KIF26B: variants seen among roughly 807,000 people sequenced by gnomAD.
KIF26B encodes kinesin family member 26B.
Under a neutral mutation model 151.2 loss-of-function variants are expected in KIF26B, and 63 were observed. The ratio of observed to expected loss-of-function variants is 0.42; its 90% CI spans 0.34 to 0.51. The LOEUF is 0.51. Ranked by LOEUF, KIF26B falls within the 20% of genes least tolerant of loss-of-function variation. KIF26B has a pLI of 0.07. For synonymous variants in KIF26B, 1,357 were observed against 1,262.1 expected (o/e 1.08, Z -1.59); for missense variants, 2,813 against 2,913.6 (o/e 0.97, Z 0.79).
chr1:245,196,094 G>A (rs1323422769), intron 2 of KIF26B, among the ~76,000 whole-genome samples: 1 of 152,130 alleles, frequency 6.6e-6, no homozygotes, highest in Non-Finnish European at 1.5e-5. Flanking sequence ...TGGTTTTAGA[G>A]CCTTATATAT....
rs113923761 is a variant in KIF26B at position 245,457,670 on chromosome 1, A to G, written c.1166+37925A>G. On this transcript the variant is annotated intron_variant, in intron 4 of 14. Transcript: ENST00000407071. ...GTGTGTGCTTTCATGCTTTGATGACATAAGTGTACAAATGGTATCATACTT... is the reference window on the plus strand; with the variant it reads ...GTGTGTGCTTTCATGCTTTGATGACGTAAGTGTACAAATGGTATCATACTT... Among the ~76,000 whole-genome samples, 160 of 152,326 alleles carry G rather than the reference A, an allele frequency of 1.1e-3. 1 individual carries two copies. The highest frequency in any genetic ancestry group is 3.8e-3 in the African/African-American group (156 of 41,568).
chr1:245,163,500 C>G (rs776764646), intron 2 of KIF26B, among the ~76,000 whole-genome samples: 9 of 152,156 alleles, frequency 5.9e-5, no homozygotes, highest in Non-Finnish European at 1.3e-4. Context: ...AGGGCTAGCT[C>G]TCTCTCCCTC....
At chr1:245,231,280 T>C (rs1669991727) in intron 2 of KIF26B, among the ~76,000 whole-genome samples, 1 of 152,144 alleles carries the variant, frequency 6.6e-6, no homozygotes, top group Non-Finnish European at 1.5e-5. Context: ...TTTGGGAGGC[T>C]GAGGTGGGCA....
chr1:245,539,040 T>C (rs1661545080), intron 4 of KIF26B, among the ~76,000 whole-genome samples: 1 of 152,202 alleles, frequency 6.6e-6, no homozygotes, highest in Non-Finnish European at 1.5e-5. Context: ...TTCTTTTCAC[T>C]GATTGAAAAG....
At chr1:245,293,166 A>C (rs1012571964) in intron 2 of KIF26B, among the ~76,000 whole-genome samples, 4 of 152,038 alleles carry the variant, frequency 2.6e-5, no homozygotes, top group African/African-American at 9.7e-5. Context: ...AAGGCTAAGA[A>C]AAACCTTGTT....
chr1:245,231,224 T>C (rs925005521), intron 2 of KIF26B, among the ~76,000 whole-genome samples: 1 of 152,078 alleles, frequency 6.6e-6, no homozygotes, highest in Non-Finnish European at 1.5e-5. Flanking sequence ...TATTTAAAAC[T>C]ACAATCTAGG....
intron 2 of KIF26B, among the ~76,000 whole-genome samples, chr1:245,311,058 A>G (rs541893451): frequency 6.6e-6 from 1 of 152,308 alleles, no homozygotes; most frequent in African/African-American, 2.4e-5. Flanking sequence ...TGTCAACATC[A>G]GCATGAAGCT....
At chr1:245,593,636 G>A (rs988429391) in intron 5 of KIF26B, among the ~76,000 whole-genome samples, 1 of 152,136 alleles carries the variant, frequency 6.6e-6, no homozygotes, top group Non-Finnish European at 1.5e-5. Context: ...AAACATACGT[G>A]TGCATGTGTC....
rs114678941 is a variant in KIF26B at position 245,202,226 on chromosome 1, C to T, written c.465+45543C>T. 6.1e-3 allele frequency among the ~76,000 whole-genome samples: 936 copies of T among 152,210 alleles called. 3 individuals carry two copies. The highest frequency in any genetic ancestry group is 0.01 in the Middle Eastern group (3 of 292). On this transcript the variant is annotated intron_variant, in intron 2 of 14. Coordinates refer to ENST00000407071, the MANE Select transcript of KIF26B (RefSeq NM_018012.4). ...AGCTCTCATTTACCTCGCCATCTCT[C>T]GCAACGTTACTCACTGCCCTCACTG...
At position 245,378,961 on chromosome 1, in the gene KIF26B, C is replaced by T. The variant is rs552036267; in HGVS notation, c.999+11594C>T. On this transcript the variant is annotated intron_variant, in intron 3 of 14. Coordinates refer to ENST00000407071, the MANE Select transcript of KIF26B (RefSeq NM_018012.4). Reference sequence around the variant, plus strand: ...ACTTAGTGCTGTGTGTGACACATGGCGACTTCTCCGTGAAGTTGACTGAAC... The same window carrying T: ...ACTTAGTGCTGTGTGTGACACATGGTGACTTCTCCGTGAAGTTGACTGAAC... Among the ~76,000 whole-genome samples, 7 of 152,232 alleles carry T rather than the reference C, an allele frequency of 4.6e-5. No individual in the cohort carries two copies. The South Asian group carries it at 1.5e-3, about 32-fold the overall frequency.
At chr1:245,254,011 C>T (rs141468028) in intron 2 of KIF26B, among the ~76,000 whole-genome samples, 311 of 151,924 alleles carry the variant, frequency 2.0e-3, no homozygotes, top group Non-Finnish European at 3.5e-3. Context: ...GGGGTTTCAC[C>T]GTGTTAGCCA....
chr1:245,489,297 A>G (rs1660347833), intron 4 of KIF26B, among the ~76,000 whole-genome samples: 1 of 152,240 alleles, frequency 6.6e-6, no homozygotes, highest in African/African-American at 2.4e-5. Flanking sequence ...CATTTGTTAA[A>G]TTGCAGTTGC....
intron 4 of KIF26B, among the ~76,000 whole-genome samples, chr1:245,434,973 G>GTCCATCCATCCA (rs371849206): frequency 0.01 from 1,389 of 135,686 alleles, 8 homozygotes; most frequent in South Asian, 0.029. Context: ...ATGCTCTTTT[G>GTCCATCCATCCA]TCCATCCATC....
At chr1:245,264,565 G>C (rs1348720391) in intron 2 of KIF26B, among the ~76,000 whole-genome samples, 1 of 151,342 alleles carries the variant, frequency 6.6e-6, no homozygotes, top group Non-Finnish European at 1.5e-5. Flanking sequence ...ACTTGTTCTA[G>C]ATTATTGTTC....
intron 5 of KIF26B, among the ~76,000 whole-genome samples, chr1:245,547,412 C>G (rs576293109): frequency 6.6e-6 from 1 of 151,820 alleles, no homozygotes; most frequent in East Asian, 1.9e-4. Flanking sequence ...TGGTGAAAAC[C>G]CTGCCTCTAC....
In KIF26B at chr1:245,367,367, G is replaced by C. The variant is rs1473192931; in HGVS notation, c.999G>C (p.Gln333His). The change falls in exon 3 of 15, where the codon CAG becomes CAC. Residue 333 changes from glutamine to histidine, a missense_variant and splice_region_variant. Transcript: ENST00000407071. The surrounding 1 kb of genome is among the most constrained non-coding windows in gnomAD (Gnocchi z 4.2). ...ACGGGGTCACCCTGTACCCATACCA[G>C]GTAAGTAGCCTGTGTGAGCCAGGAA... Reference protein sequence around the residue: ...RTNGVTLYPYQISQLMTESSR... With the variant: ...RTNGVTLYPYHISQLMTESSR... The C allele has an allele frequency of 3.2e-6, 5 of 1,581,626 alleles. No individual in the cohort carries two copies. The Admixed American group carries it at 5.4e-5, about 17-fold the overall frequency.
intron 10 of KIF26B, among the ~76,000 whole-genome samples, chr1:245,663,787 T>G (rs1010064033): frequency 2.0e-5 from 3 of 152,174 alleles, no homozygotes; most frequent in African/African-American, 7.2e-5. Flanking sequence ...TTCTTTCCCC[T>G]CTGCTCAGTG....
chr1:245,455,709 A>G (rs1418871260), intron 4 of KIF26B, among the ~76,000 whole-genome samples: 2 of 152,180 alleles, frequency 1.3e-5, no homozygotes, highest in Admixed American at 1.3e-4. Context: ...AGTGTGAAGA[A>G]GTGAGAGAGG....
chr1:245,558,158 C>T (rs376559856), intron 5 of KIF26B, among the ~76,000 whole-genome samples: 20 of 152,252 alleles, frequency 1.3e-4, no homozygotes, highest in South Asian at 2.1e-4. Context: ...GAGAAGCCCA[C>T]GGCCACCCTG....
Sources: allele counts gnomAD v4.1 joint callset (sites outside exome capture counted in the v4.1 genomes callset), GRCh38; gene constraint gnomAD v4.1.1; non-coding constraint Gnocchi (gnomAD v3.1); transcripts MANE v1.5; gene names NCBI Gene and HGNC (gene_info 2026-07-23, HGNC 2026-07-21).